ABI1: variants seen among roughly 807,000 people sequenced by gnomAD.
The protein encoded by ABI1 is abl interactor 1.
Under a neutral mutation model 54.6 loss-of-function variants are expected in ABI1, and 14 were observed. The ratio of observed to expected loss-of-function variants is 0.26; its 90% CI spans 0.17 to 0.40. The LOEUF is 0.40. ABI1 is among the 10% of genes least tolerant of loss of function. The probability of loss-of-function intolerance (pLI) is 1.00; values close to 1 mark genes in which losing one functional copy is unlikely to be tolerated. For synonymous variants in ABI1, 194 were observed against 209.3 expected (o/e 0.93, Z 0.63); for missense variants, 443 against 598.3 (o/e 0.74, Z 2.71).
chr10:26,859,666 G>T (rs2051135871), intron 1 of ABI1, among the ~76,000 whole-genome samples: 1 of 152,174 alleles, frequency 6.6e-6, no homozygotes, highest in East Asian at 1.9e-4. Context: ...CTGTCACAAA[G>T]TCCCAAGAGT....
intron 2 of ABI1, among the ~76,000 whole-genome samples, chr10:26,803,419 C>T (rs770583775): frequency 1.3e-5 from 2 of 152,132 alleles, no homozygotes; most frequent in Non-Finnish European, 2.9e-5. Flanking sequence ...TCCATTTGCT[C>T]TCCTATTTCT....
At position 26,834,428 on chromosome 10, in the gene ABI1, T is replaced by A. The variant is rs899659780; in HGVS notation, c.118-11123A>T. 3.9e-5 allele frequency among the ~76,000 whole-genome samples: 6 copies of A among 151,948 alleles called. No individual in the cohort carries two copies. In the East Asian group the frequency reaches 1.2e-3, roughly 29 times the overall value. ...GAAGAAAATATTTGCAAACTATCCA[T>A]CTGACACAGGACCAACAACCAGAAT... On this transcript the variant is annotated intron_variant, in intron 1 of 10. Coordinates refer to ENST00000376140, the MANE Select transcript of ABI1 (RefSeq NM_001012750.3).
At chr10:26,836,614 G>A (rs929643263) in intron 1 of ABI1, among the ~76,000 whole-genome samples, 15 of 152,024 alleles carry the variant, frequency 9.9e-5, no homozygotes, top group African/African-American at 2.9e-4. Flanking sequence ...CAATAGCCGC[G>A]TAACATTTCT....
intron 2 of ABI1, among the ~76,000 whole-genome samples, chr10:26,781,345 G>A (rs920275670): frequency 1.3e-5 from 2 of 152,240 alleles, no homozygotes; most frequent in African/African-American, 4.8e-5. Flanking sequence ...GGGCATCTCA[G>A]CTTTACATGA....
chr10:26,749,440 C>A (rs1837337625), intron 10 of ABI1, among the ~76,000 whole-genome samples: 1 of 152,112 alleles, frequency 6.6e-6, no homozygotes, highest in African/African-American at 2.4e-5. Context: ...AGATGGGACC[C>A]AAGTCTAAAC....
At chr10:26,758,793 T>C (rs1209396727) in intron 8 of ABI1, among the ~76,000 whole-genome samples, 1 of 152,232 alleles carries the variant, frequency 6.6e-6, no homozygotes, top group Non-Finnish European at 1.5e-5. Context: ...TAAAATCGCA[T>C]ATTAAAGTTA....
chr10:26,788,281 T>C (rs1342467018), intron 2 of ABI1, among the ~76,000 whole-genome samples: 1 of 152,232 alleles, frequency 6.6e-6, no homozygotes, highest in Non-Finnish European at 1.5e-5. Context: ...CAACTGAACC[T>C]CTTTTTCTTC....
At chr10:26,813,195 G>A (rs879331702) in intron 2 of ABI1, among the ~76,000 whole-genome samples, 3 of 151,590 alleles carry the variant, frequency 2.0e-5, no homozygotes, top group Non-Finnish European at 4.4e-5. Flanking sequence ...GTTGCAATGG[G>A]TCAAGATCAC....
intron 8 of ABI1, 111 bp downstream of exon 8, chr10:26,758,951 A>C (rs1838733783): frequency 8.9e-7 from 1 of 1,120,658 alleles, no homozygotes; most frequent in Non-Finnish European, 1.3e-6. Flanking sequence ...AATAAACATG[A>C]AACATCATGG....
At position 26,860,937 on chromosome 10, in the gene ABI1, C is replaced by G. The variant is rs2051264409; in HGVS notation, c.-74G>C. The G allele has an allele frequency of 6.6e-6, 9 of 1,372,620 alleles. No homozygotes were observed. Among genetic ancestry groups the G allele is most frequent in the Non-Finnish European group, 9.3e-6 (9 of 966,810 alleles). 85.0% of individuals were successfully genotyped at this position (1,372,620 alleles called of 1,614,324 possible). A position where few individuals can be genotyped will look rare whatever the true frequency, so the allele number is the denominator to read the frequency against. Reference sequence around the variant, plus strand: ...GCAAGGTCCGCCGAGGCTCCGAGCACCTCACAGCCCGGATACAAACCGCCT... The same window carrying G: ...GCAAGGTCCGCCGAGGCTCCGAGCAGCTCACAGCCCGGATACAAACCGCCT... On this transcript the variant is annotated 5_prime_UTR_variant, in exon 1 of 11. Transcript: ENST00000376140. The surrounding 1 kb of genome is among the most constrained non-coding windows in gnomAD (Gnocchi z 4.1).
intron 1 of ABI1, among the ~76,000 whole-genome samples, chr10:26,842,877 C>G (rs2049632843): frequency 6.6e-6 from 1 of 151,950 alleles, no homozygotes. Flanking sequence ...AACCTCACCT[C>G]TACTAAAAAT....
intron 1 of ABI1, among the ~76,000 whole-genome samples, chr10:26,850,120 T>C (rs1031690751): frequency 2.6e-5 from 4 of 152,186 alleles, no homozygotes; most frequent in South Asian, 2.1e-4. Context: ...CAAAACAAAA[T>C]GAACAGATTA....
At chr10:26,838,040 T>G (rs1048752613) in intron 1 of ABI1, among the ~76,000 whole-genome samples, 5 of 150,332 alleles carry the variant, frequency 3.3e-5, no homozygotes, top group Admixed American at 1.3e-4. Flanking sequence ...TTTTTTTTTT[T>G]TGAGAGAGAG....
Position 26,759,205 on chromosome 10 carries a change from C to G in ABI1, c.854G>C (p.Gly285Ala). ...APGSAPGSQY[G>A]TMTRQISRHN... ...TCGAGATATCTGCCTGGTCATTGTGCCATACTGGGAACCAGGAGCTGAGCC... is the reference window on the plus strand; with the variant it reads ...TCGAGATATCTGCCTGGTCATTGTGGCATACTGGGAACCAGGAGCTGAGCC... The change falls in exon 8 of 11, where the codon GGC becomes GCC. Residue 285 changes from glycine to alanine, a missense_variant. By Grantham distance (60) the Gly-to-Ala change is moderately conservative (BLOSUM62 0). This residue lies in a region of ABI1 where 394 missense variants were observed against 484.8 expected (regional missense o/e 0.81). Coordinates refer to ENST00000376140, the MANE Select transcript of ABI1 (RefSeq NM_001012750.3). The G allele has an allele frequency of 6.2e-7, 1 of 1,613,972 alleles. No individual in the cohort carries two copies. The highest frequency in any genetic ancestry group is 1.1e-5 in the South Asian group (1 of 91,066).
At chr10:26,823,394 A>T in intron 1 of ABI1, 89 bp from the exon 2 acceptor site, 1 of 1,041,598 alleles carries the variant, frequency 9.6e-7, no homozygotes. Context: ...ATATTATTTT[A>T]CTAGAGAAAT....
At chr10:26,859,244 G>GA (rs960293666) in intron 1 of ABI1, among the ~76,000 whole-genome samples, 6 of 151,006 alleles carry the variant, frequency 4.0e-5, no homozygotes, top group Non-Finnish European at 8.9e-5. Context: ...GTGAAAGCTT[G>GA]AAAAAAAAAT....
rs528114804 is a variant in ABI1 at position 26,782,641 on chromosome 10, T to C, written c.286-5400A>G. On this transcript the variant is annotated intron_variant, in intron 2 of 10. Coordinates refer to ENST00000376140, the MANE Select transcript of ABI1 (RefSeq NM_001012750.3). ...GGGAGGCTGAGGCAGGAGAAACGCT[T>C]GAACCAGGGAGTCAGAGGCTGCAGT... 3.3e-5 allele frequency among the ~76,000 whole-genome samples: 5 copies of C among 151,434 alleles called. No homozygotes were observed. The East Asian group carries it at 7.8e-4, about 24-fold the overall frequency.
At chr10:26,756,216 A>G (rs1838285556) in intron 8 of ABI1, among the ~76,000 whole-genome samples, 1 of 152,206 alleles carries the variant, frequency 6.6e-6, no homozygotes, top group African/African-American at 2.4e-5. Flanking sequence ...AAACAAATAT[A>G]TAATAGCTAT....
chr10:26,750,004 A>C (rs1267075503), intron 10 of ABI1, among the ~76,000 whole-genome samples: 1 of 152,188 alleles, frequency 6.6e-6, no homozygotes, highest in Non-Finnish European at 1.5e-5. Flanking sequence ...TATCATTCCA[A>C]ATTTGTCAAC....
Sources: gnomAD v4.1 joint callset for allele counts (sites outside exome capture counted in the v4.1 genomes callset) on GRCh38, gnomAD v4.1.1 for gene constraint, gnomAD v4.1.1 regional missense constraint, Gnocchi (gnomAD v3.1) non-coding constraint, MANE v1.5 for transcripts, NCBI Gene and HGNC (gene_info 2026-07-23, HGNC 2026-07-21) for gene names.